The following CMTM8 variants were observed in gnomAD, a reference collection of about 807,000 sequenced individuals.
CMTM8 encodes CKLF like MARVEL transmembrane domain containing 8.
A neutral mutation model predicts 18.6 loss-of-function variants in CMTM8; 12 were observed. The observed-to-expected ratio is 0.65, with a 90% CI of 0.41 to 1.05. The LOEUF (loss-of-function observed/expected upper bound fraction) is 1.05. Among genes scored for constraint, CMTM8 ranks in the 50% least tolerant of loss-of-function variants. The pLI, the probability that CMTM8 is intolerant of heterozygous loss-of-function variation, is 0.00. For missense variants in CMTM8, 217 were observed against 227.2 expected, an observed-to-expected ratio of 0.95 and a Z score of 0.29; for synonymous variants, 87 against 90.6, an observed-to-expected ratio of 0.96 and a Z score of 0.23.
At chr3:32,280,058 A>G (rs1575157706) in intron 1 of CMTM8, among the ~76,000 whole-genome samples, 2 of 152,206 alleles carry the variant, frequency 1.3e-5, no homozygotes, top group African/African-American at 2.4e-5. Context: ...TTAAGAAACC[A>G]TAAATCTATT....
At position 32,238,997 on chromosome 3, in the gene CMTM8, T is replaced by G; in HGVS notation, c.25T>G (p.Ser9Ala). The change falls in exon 1 of 4, where the codon TCG (serine) becomes GCG (alanine). Residue 9 changes from serine to alanine, a missense_variant. Ser to Ala is a moderately conservative substitution (Grantham distance 99). Transcript: ENST00000307526. ...GATGGAGGAGCCGCAGCGCGCCCGC[T>G]CGCACACAGTCACCACCACCGCCAG... is the stretch of plus-strand genomic sequence containing the variant. Reference protein sequence around the residue: MEEPQRARSHTVTTTASSF... With the variant: MEEPQRARAHTVTTTASSF... 6.4e-7 allele frequency: 1 copy of G among 1,554,314 alleles called. No individual in the cohort carries two copies. The highest frequency in any genetic ancestry group is 8.7e-7 in the Non-Finnish European group (1 of 1,149,676).
At chr3:32,308,813 A>G (rs1055392938) in intron 1 of CMTM8, among the ~76,000 whole-genome samples, 3 of 152,194 alleles carry the variant, frequency 2.0e-5, no homozygotes, top group Non-Finnish European at 2.9e-5. Context: ...CTATGGTGCA[A>G]CTGTCACATG....
chr3:32,271,884 C>T (rs971808961), intron 1 of CMTM8, among the ~76,000 whole-genome samples: 7 of 152,154 alleles, frequency 4.6e-5, no homozygotes, highest in African/African-American at 1.2e-4. Context: ...CATAATTTAT[C>T]GTATTTTCTT....
intron 1 of CMTM8, among the ~76,000 whole-genome samples, chr3:32,281,442 G>T (rs1042483853): frequency 1.3e-5 from 2 of 152,134 alleles, no homozygotes; most frequent in Non-Finnish European, 2.9e-5. Flanking sequence ...AATGAATAAA[G>T]TACATATATA....
chr3:32,258,622 A>T (rs1011671863), intron 1 of CMTM8, among the ~76,000 whole-genome samples: 2 of 151,812 alleles, frequency 1.3e-5, no homozygotes, highest in East Asian at 1.9e-4. Context: ...TGAGCCTCTC[A>T]CTTTAGCCTC....
chr3:32,297,235 G>C (rs561262263), intron 1 of CMTM8, among the ~76,000 whole-genome samples: 9 of 152,288 alleles, frequency 5.9e-5, no homozygotes, highest in Non-Finnish European at 8.8e-5. Context: ...CTGGAGTGCA[G>C]TGGTACAATC....
At chr3:32,317,631 C>T (rs1695955608) in intron 1 of CMTM8, among the ~76,000 whole-genome samples, 3 of 152,126 alleles carry the variant, frequency 2.0e-5, no homozygotes, top group South Asian at 4.1e-4. Context: ...TACAAAGTGT[C>T]GTGTGTAAAG....
At chr3:32,367,533 T>A (rs1271207125) in intron 2 of CMTM8, among the ~76,000 whole-genome samples, 1 of 151,888 alleles carries the variant, frequency 6.6e-6, no homozygotes, top group Non-Finnish European at 1.5e-5. Flanking sequence ...GCCCACCGAG[T>A]GGGCGCCACT....
intron 1 of CMTM8, among the ~76,000 whole-genome samples, chr3:32,304,053 T>C (rs1296112161): frequency 6.6e-6 from 1 of 152,214 alleles, no homozygotes; most frequent in Non-Finnish European, 1.5e-5. Flanking sequence ...TTCTTTTAGT[T>C]GCCATGTTTC....
At chr3:32,285,234 G>A (rs1321432938) in intron 1 of CMTM8, among the ~76,000 whole-genome samples, 1 of 152,180 alleles carries the variant, frequency 6.6e-6, no homozygotes, top group African/African-American at 2.4e-5. Flanking sequence ...TGGTGCAGTG[G>A]CTGGGTGCAG....
At chr3:32,274,673 A>G (rs1311847836) in intron 1 of CMTM8, among the ~76,000 whole-genome samples, 1 of 152,194 alleles carries the variant, frequency 6.6e-6, no homozygotes, top group Admixed American at 6.5e-5. Context: ...ATTTTACCAA[A>G]TTGTCCTAAT....
At position 32,262,889 on chromosome 3, in the gene CMTM8, A is replaced by T. The variant is rs551725447; in HGVS notation, c.147+23770A>T. 2.6e-5 allele frequency among the ~76,000 whole-genome samples: 4 copies of T among 152,104 alleles called. No individual in the cohort carries two copies. In the East Asian group the frequency reaches 7.7e-4, roughly 29 times the overall value. Reference sequence around the variant, plus strand: ...GTGAGTTTTCACACACTCAGCAATGAGCGGGAACATAGAATTTAGCCTCTC... The same window carrying T: ...GTGAGTTTTCACACACTCAGCAATGTGCGGGAACATAGAATTTAGCCTCTC... On this transcript the variant is annotated intron_variant, in intron 1 of 3. Transcript: ENST00000307526.
At chr3:32,368,083 C>T (rs1271824684) in intron 3 of CMTM8, 95 bp downstream of exon 3, 2 of 847,312 alleles carry the variant, frequency 2.4e-6, no homozygotes, top group Admixed American at 2.0e-5. Context: ...GAAAAAGCAG[C>T]GCTTGCAGTA....
At chr3:32,303,801 T>C (rs1174498866) in intron 1 of CMTM8, among the ~76,000 whole-genome samples, 1 of 152,240 alleles carries the variant, frequency 6.6e-6, no homozygotes, top group Non-Finnish European at 1.5e-5. Flanking sequence ...TGGTTGTTGT[T>C]AAACCACTGG....
At chr3:32,266,565 A>T (rs1263942440) in intron 1 of CMTM8, among the ~76,000 whole-genome samples, 3 of 152,204 alleles carry the variant, frequency 2.0e-5, no homozygotes, top group African/African-American at 4.8e-5. Context: ...GCCCTCTCTC[A>T]CCACTCCTAT....
intron 1 of CMTM8, among the ~76,000 whole-genome samples, chr3:32,292,197 C>CTCCCACA (rs1225032780): frequency 6.6e-6 from 1 of 152,158 alleles, no homozygotes; most frequent in Non-Finnish European, 1.5e-5. Flanking sequence ...AAATGTCTGC[C>CTCCCACA]TCCCACATTC....
At chr3:32,343,463 T>C (rs761224963) in intron 1 of CMTM8, among the ~76,000 whole-genome samples, 4 of 152,130 alleles carry the variant, frequency 2.6e-5, no homozygotes, top group Non-Finnish European at 5.9e-5. Flanking sequence ...GTCTCAGAGA[T>C]TTGGCATTCC....
intron 1 of CMTM8, among the ~76,000 whole-genome samples, chr3:32,321,799 A>T (rs947853465): frequency 1.3e-5 from 2 of 152,032 alleles, no homozygotes; most frequent in Non-Finnish European, 2.9e-5. Context: ...GAGTCTCACT[A>T]TGTTGCCCAG....
At chr3:32,334,072 G>T (rs1016587284) in intron 1 of CMTM8, among the ~76,000 whole-genome samples, 1 of 151,654 alleles carries the variant, frequency 6.6e-6, no homozygotes, top group Non-Finnish European at 1.5e-5. Flanking sequence ...CCACCTCCCA[G>T]GTTCTAAGCG....
Sources: gnomAD v4.1 joint callset for allele counts (sites outside exome capture counted in the v4.1 genomes callset) on GRCh38, gnomAD v4.1.1 for gene constraint, MANE v1.5 for transcripts, NCBI Gene and HGNC (gene_info 2026-07-23, HGNC 2026-07-21) for gene names.